The following ENAH variants were observed in gnomAD, a reference collection of about 807,000 sequenced individuals.
The protein encoded by ENAH is ENAH actin regulator, also known as protein enabled homolog.
ENAH carries 23 observed loss-of-function variants against 78.7 expected under a neutral mutation model. The ratio of observed to expected loss-of-function variants is 0.29; its 90% CI spans 0.21 to 0.41. ENAH has a LOEUF of 0.41. Among genes scored for constraint, ENAH ranks in the 10% least tolerant of loss-of-function variants. The pLI is 1.00. For missense variants in ENAH, 544 were observed against 691.0 expected (o/e 0.79, Z 2.39); for synonymous variants, 226 against 241.0 (o/e 0.94, Z 0.58).
intron 1 of ENAH, among the ~76,000 whole-genome samples, chr1:225,639,737 CACACACAA>C (rs199711161): frequency 0.065 from 9,788 of 151,114 alleles, 1,059 homozygotes; most frequent in African/African-American, 0.22. Flanking sequence ...CACACACACA[CACACACAA>C]GAAGGATGGT....
intron 11 of ENAH, among the ~76,000 whole-genome samples, chr1:225,506,341 C>G (rs2096329167): frequency 6.6e-6 from 1 of 152,218 alleles, no homozygotes; most frequent in African/African-American, 2.4e-5. Flanking sequence ...GTGTGCGCCA[C>G]CATGCCCAGC....
intron 1 of ENAH, among the ~76,000 whole-genome samples, chr1:225,630,541 T>C (rs183862632): frequency 6.6e-6 from 1 of 152,346 alleles, no homozygotes; most frequent in Admixed American, 6.5e-5. Context: ...GAACAGTTGA[T>C]ATTTGCACAA....
intron 1 of ENAH, among the ~76,000 whole-genome samples, chr1:225,592,137 C>T (rs116445376): frequency 0.011 from 1,745 of 152,272 alleles, 30 homozygotes; most frequent in African/African-American, 0.039. Flanking sequence ...TGAGCAGCAA[C>T]AGTATTTTGG....
At chr1:225,611,883 C>G (rs886412914) in intron 1 of ENAH, among the ~76,000 whole-genome samples, 1 of 152,158 alleles carries the variant, frequency 6.6e-6, no homozygotes, top group African/African-American at 2.4e-5. Flanking sequence ...AAATCACACT[C>G]ACTAGGATGG....
chr1:225,634,506 A>G lies in ENAH; in HGVS notation c.5+18180T>C, dbSNP rs1385158105. Among the ~76,000 whole-genome samples the G allele has an allele frequency of 9.2e-5, 14 of 152,188 alleles. 1 individual carries two copies. Among genetic ancestry groups the G allele is most frequent in the Admixed American group, 9.2e-4 (14 of 15,274 alleles). On this transcript the variant is annotated intron_variant, in intron 1 of 13. Coordinates refer to ENST00000366843, the MANE Select transcript of ENAH (RefSeq NM_018212.6). ...TAGGGATACTGCTGAACATCCCACAATTCACAGTACAACCCTGTAACAGGG... is the reference window on the plus strand; with the variant it reads ...TAGGGATACTGCTGAACATCCCACAGTTCACAGTACAACCCTGTAACAGGG...
chr1:225,576,675 A>G (rs1213889696), intron 1 of ENAH, among the ~76,000 whole-genome samples: 1 of 152,238 alleles, frequency 6.6e-6, no homozygotes, highest in Non-Finnish European at 1.5e-5. Flanking sequence ...CAGAGACTAG[A>G]GTATTTAAAG....
intron 4 of ENAH, among the ~76,000 whole-genome samples, chr1:225,529,318 C>A (rs917529656): frequency 6.6e-6 from 1 of 152,174 alleles, no homozygotes; most frequent in Non-Finnish European, 1.5e-5. Flanking sequence ...CAAGCATCAT[C>A]CTTCCTTAAG....
chr1:225,536,715 G>T (rs1175176139), intron 3 of ENAH, among the ~76,000 whole-genome samples: 1 of 151,830 alleles, frequency 6.6e-6, no homozygotes, highest in Non-Finnish European at 1.5e-5. Context: ...AAATAAAAGA[G>T]AATTTTTCAT....
At chr1:225,504,324 T>C (rs2096308638) in intron 11 of ENAH, among the ~76,000 whole-genome samples, 1 of 152,132 alleles carries the variant, frequency 6.6e-6, no homozygotes, top group Non-Finnish European at 1.5e-5. Context: ...TTTTATTTTT[T>C]TATGATGAGA....
At chr1:225,585,583 T>A (rs1457842192) in intron 1 of ENAH, among the ~76,000 whole-genome samples, 1 of 151,844 alleles carries the variant, frequency 6.6e-6, no homozygotes, top group East Asian at 2.0e-4. Context: ...AGGTCGGGAG[T>A]TCGAGACCAA....
In ENAH at chr1:225,593,698, G is replaced by A. The variant is rs925056045; in HGVS notation, c.6-26284C>T. ...CCATAACCAAAGAGAATTACTGGCC[G>A]TAATCTGAAAAACAGCAGCCCACTT... On this transcript the variant is annotated intron_variant, in intron 1 of 13. Coordinates refer to ENST00000366843, the MANE Select transcript of ENAH (RefSeq NM_018212.6). Among the ~76,000 whole-genome samples the A allele has an allele frequency of 4.6e-5, 7 of 152,244 alleles. No individual in the cohort carries two copies. The South Asian group carries it at 6.2e-4, about 14-fold the overall frequency.
intron 5 of ENAH, chr1:225,518,129 A>C: frequency 1.5e-6 from 1 of 658,378 alleles, no homozygotes; most frequent in Non-Finnish European, 2.5e-6. Flanking sequence ...AATTAGGCAC[A>C]AACGCAAATA....
chr1:225,503,667 A>AAAC (rs1558711118), intron 11 of ENAH, among the ~76,000 whole-genome samples: 2 of 149,920 alleles, frequency 1.3e-5, no homozygotes, highest in African/African-American at 4.9e-5. Flanking sequence ...TCAAAAAAAA[A>AAAC]AAAAAAAAAA....
chr1:225,610,031 A>T (rs914677084), intron 1 of ENAH, among the ~76,000 whole-genome samples: 110 of 152,156 alleles, frequency 7.2e-4, no homozygotes, highest in African/African-American at 2.6e-3. Context: ...TGTATACCAC[A>T]TGATAAAAAT....
intron 5 of ENAH, among the ~76,000 whole-genome samples, chr1:225,518,293 T>G (rs1403782510): frequency 6.6e-6 from 1 of 152,220 alleles, no homozygotes; most frequent in Admixed American, 6.5e-5. Flanking sequence ...TAATTTTTAT[T>G]TAGTCTACAA....
intron 1 of ENAH, among the ~76,000 whole-genome samples, chr1:225,570,475 T>TC (rs2151533466): frequency 6.6e-6 from 1 of 151,660 alleles, no homozygotes; most frequent in East Asian, 1.9e-4. Context: ...CCTTCTCCTC[T>TC]CCCACCTTAC....
At chr1:225,646,051 CA>C (rs1220643923) in intron 1 of ENAH, among the ~76,000 whole-genome samples, 1 of 152,112 alleles carries the variant, frequency 6.6e-6, no homozygotes, top group African/African-American at 2.4e-5. Context: ...ATAAATCAAT[CA>C]ACCCCCCTAA....
chr1:225,595,391 C>G (rs1032824616), intron 1 of ENAH, among the ~76,000 whole-genome samples: 22 of 151,904 alleles, frequency 1.4e-4, no homozygotes, highest in African/African-American at 5.1e-4. Flanking sequence ...TGCAATTTAT[C>G]TTGACAGGAG....
intron 3 of ENAH, among the ~76,000 whole-genome samples, chr1:225,534,013 T>A (rs1167209995): frequency 6.6e-6 from 1 of 152,132 alleles, no homozygotes; most frequent in Non-Finnish European, 1.5e-5. Flanking sequence ...ACTTTAAAGA[T>A]TCACCTTCAC....
Sources: gnomAD v4.1 joint callset for allele counts (sites outside exome capture counted in the v4.1 genomes callset) on GRCh38, gnomAD v4.1.1 for gene constraint, MANE v1.5 for transcripts, NCBI Gene and HGNC (gene_info 2026-07-23, HGNC 2026-07-21) for gene names.